IL1RAPL1: variants seen among roughly 807,000 people sequenced by gnomAD.
The protein encoded by IL1RAPL1 is interleukin 1 receptor accessory protein like 1.
Under a neutral mutation model 48.4 loss-of-function variants are expected in IL1RAPL1, and 3 were observed. That is an observed-to-expected ratio of 0.06 (90% CI 0.03 to 0.16). The LOEUF is 0.16. Among genes scored for constraint, IL1RAPL1 ranks in the 10% least tolerant of loss-of-function variants. The probability of loss-of-function intolerance (pLI) is 1.00; values close to 1 mark genes in which losing one functional copy is unlikely to be tolerated. For synonymous variants in IL1RAPL1, 185 were observed against 187.7 expected (o/e 0.99, Z 0.12); for missense variants, 349 against 530.6 (o/e 0.66, Z 3.36).
intron 5 of IL1RAPL1, 50 bp downstream of exon 5, chrX:29,399,358 T>C (rs766844732): frequency 2.0e-6 from 2 of 1,018,940 alleles, no homozygotes; most frequent in South Asian, 3.9e-5. Flanking sequence ...ACTACTATTT[T>C]AAGTTAGTTT....
intron 1 of IL1RAPL1, chrX:28,659,557 G>T (rs182811536): frequency 1.9e-5 from 8 of 429,124 alleles, no homozygotes; most frequent in Non-Finnish European, 3.3e-5. Flanking sequence ...GCGAGCTAGA[G>T]ACTGGCTAGC....
intron 2 of IL1RAPL1, among the ~76,000 whole-genome samples, chrX:29,001,531 T>C (rs922680076): frequency 8.9e-6 from 1 of 112,020 alleles, no homozygotes. Context: ...AAAAAAATGG[T>C]GGTCTTTGTA....
intron 6 of IL1RAPL1, among the ~76,000 whole-genome samples, chrX:29,780,141 G>A (rs1044626769): frequency 1.8e-5 from 2 of 111,372 alleles, no homozygotes; most frequent in African/African-American, 3.3e-5. Flanking sequence ...TGACATTATC[G>A]AAACCATCTT....
intron 3 of IL1RAPL1, among the ~76,000 whole-genome samples, chrX:29,390,750 A>T (rs1355326687): frequency 2.7e-5 from 3 of 112,379 alleles, no homozygotes; most frequent in Non-Finnish European, 5.6e-5. Flanking sequence ...TTGTCAGTGA[A>T]TCAGTGATAT....
intron 3 of IL1RAPL1, among the ~76,000 whole-genome samples, chrX:29,367,052 C>T (rs961089868): frequency 1.8e-5 from 2 of 111,191 alleles, no homozygotes; most frequent in African/African-American, 6.5e-5. Context: ...TTAACTCACT[C>T]TGTTATCTTA....
chrX:29,748,065 A>C (rs1928375486), intron 6 of IL1RAPL1, among the ~76,000 whole-genome samples: 1 of 112,233 alleles, frequency 8.9e-6, no homozygotes, highest in Non-Finnish European at 1.9e-5. Context: ...TGCCGTTGGG[A>C]CGCTTATAAA....
At chrX:29,671,673 A>G (rs1926146202) in intron 6 of IL1RAPL1, among the ~76,000 whole-genome samples, 1 of 111,829 alleles carries the variant, frequency 8.9e-6, no homozygotes, top group Admixed American at 9.5e-5. Flanking sequence ...TCAGGCTACT[A>G]TAGTCAAGAG....
intron 6 of IL1RAPL1, among the ~76,000 whole-genome samples, chrX:29,776,597 A>T (rs1361674233): frequency 8.9e-6 from 1 of 111,796 alleles, no homozygotes; most frequent in Non-Finnish European, 1.9e-5. Context: ...TTATAGTCAG[A>T]CTTTTAGCAG....
intron 1 of IL1RAPL1, among the ~76,000 whole-genome samples, chrX:28,614,195 T>C (rs1361433452): frequency 8.9e-6 from 1 of 111,782 alleles, no homozygotes; most frequent in African/African-American, 3.3e-5. Context: ...TTTTATGTTT[T>C]CTTGGGTGAA....
chrX:28,988,251 A>G (rs1299407224), intron 2 of IL1RAPL1, among the ~76,000 whole-genome samples: 1 of 111,690 alleles, frequency 9.0e-6, no homozygotes, highest in African/African-American at 3.3e-5. Flanking sequence ...TGTTACACAT[A>G]TGGGTGAAAA....
chrX:29,160,107 A>T (rs1328998864), intron 2 of IL1RAPL1, among the ~76,000 whole-genome samples: 2 of 112,248 alleles, frequency 1.8e-5, no homozygotes, highest in African/African-American at 6.5e-5. Flanking sequence ...GTTTTCTGAA[A>T]AATTGCTTAT....
At position 29,789,209 on chromosome X, in the gene IL1RAPL1, T is replaced by C. The variant is rs1014249047; in HGVS notation, c.778+120705T>C. ...AGAAATTATCTTTTGAGTGCGTGTG[T>C]TAGCTTTGAAAAAATACATTCACAT... On this transcript the variant is annotated intron_variant, in intron 6 of 10. Coordinates refer to ENST00000378993, the MANE Select transcript of IL1RAPL1 (RefSeq NM_014271.4). 2.7e-5 allele frequency among the ~76,000 whole-genome samples: 3 copies of C among 112,097 alleles called. No homozygotes were observed. In the Admixed American group the frequency reaches 2.8e-4, roughly 11 times the overall value.
intron 5 of IL1RAPL1, among the ~76,000 whole-genome samples, chrX:29,476,575 A>G (rs761286466): frequency 9.0e-6 from 1 of 111,333 alleles, no homozygotes; most frequent in South Asian, 3.8e-4. Context: ...GAACTAATAA[A>G]TTAAAAGTGT....
intron 3 of IL1RAPL1, among the ~76,000 whole-genome samples, chrX:29,356,823 G>A (rs763554716): frequency 1.8e-5 from 2 of 111,549 alleles, no homozygotes; most frequent in Non-Finnish European, 3.8e-5. Flanking sequence ...ATCTATTTCT[G>A]TGCTTTCCAG....
intron 2 of IL1RAPL1, among the ~76,000 whole-genome samples, chrX:29,046,247 G>A (rs768606898): frequency 3.1e-3 from 337 of 110,037 alleles, no homozygotes; most frequent in Non-Finnish European, 4.6e-3. Context: ...TAGAGACGAT[G>A]GGGCCTTACT....
At chrX:29,887,707 G>T (rs1339005344) in intron 6 of IL1RAPL1, among the ~76,000 whole-genome samples, 1 of 110,073 alleles carries the variant, frequency 9.1e-6, no homozygotes, top group African/African-American at 3.3e-5. Flanking sequence ...TGATTTCTAA[G>T]CATACACACG....
chrX:29,242,558 G>A (rs2147566680), intron 2 of IL1RAPL1, among the ~76,000 whole-genome samples: 1 of 112,455 alleles, frequency 8.9e-6, no homozygotes, highest in Non-Finnish European at 1.9e-5. Context: ...CATTCAACAT[G>A]TAGTGATTAA....
At chrX:28,996,620 TTG>T (rs59015501) in intron 2 of IL1RAPL1, among the ~76,000 whole-genome samples, 2,832 of 108,276 alleles carry the variant, frequency 0.026, 83 homozygotes, top group African/African-American at 0.091. Context: ...AATTGTTATT[TTG>T]TGTGTGTGTG....
intron 5 of IL1RAPL1, among the ~76,000 whole-genome samples, chrX:29,422,687 A>T (rs942220539): frequency 8.0e-5 from 9 of 112,081 alleles, no homozygotes; most frequent in African/African-American, 2.6e-4. Flanking sequence ...TTTCATTTAT[A>T]TAAAATGGTA....
Sources: gnomAD v4.1 joint callset for allele counts (sites outside exome capture counted in the v4.1 genomes callset) on GRCh38, gnomAD v4.1.1 for gene constraint, MANE v1.5 for transcripts, NCBI Gene and HGNC (gene_info 2026-07-23, HGNC 2026-07-21) for gene names.